Variants in DGKB observed in about 807,000 individuals in gnomAD.
DGKB encodes the protein diacylglycerol kinase beta, also known as 90 kDa diacylglycerol kinase.
DGKB carries 67 observed loss-of-function variants against 114.3 expected under a neutral mutation model. That is an observed-to-expected ratio of 0.59 (90% confidence interval 0.48 to 0.72). DGKB has a LOEUF of 0.72. DGKB is among the 30% of genes least tolerant of loss of function. The pLI is 0.00. For missense variants in DGKB, 907 were observed against 975.2 expected, an observed-to-expected ratio of 0.93 and a Z score of 0.93; for synonymous variants, 398 against 323.1, an observed-to-expected ratio of 1.23 and a Z score of -2.49.
At chr7:14,173,282 T>C (rs1781273729) in intron 25 of DGKB, among the ~76,000 whole-genome samples, 1 of 152,182 alleles carries the variant, frequency 6.6e-6, no homozygotes, top group Non-Finnish European at 1.5e-5. Flanking sequence ...ATTGGTGAAA[T>C]TTATAAATGT....
At chr7:14,222,486 G>A (rs1334382253) in intron 23 of DGKB, among the ~76,000 whole-genome samples, 1 of 150,866 alleles carries the variant, frequency 6.6e-6, no homozygotes, top group African/African-American at 2.4e-5. Flanking sequence ...TTATTCCATT[G>A]TTGCCAAACA....
At chr7:14,215,247 G>C (rs910597835) in intron 23 of DGKB, among the ~76,000 whole-genome samples, 2 of 152,030 alleles carry the variant, frequency 1.3e-5, no homozygotes, top group Non-Finnish European at 2.9e-5. Context: ...CCATAAGAAA[G>C]GAACCTGTAG....
At chr7:14,275,362 T>C (rs1265185024) in intron 23 of DGKB, among the ~76,000 whole-genome samples, 1 of 152,232 alleles carries the variant, frequency 6.6e-6, no homozygotes, top group Non-Finnish European at 1.5e-5. Context: ...TATTGGATTA[T>C]GAGCATTCTT....
intron 23 of DGKB, among the ~76,000 whole-genome samples, chr7:14,291,163 A>AG (rs1554333460): frequency 6.7e-6 from 1 of 149,870 alleles, no homozygotes; most frequent in Non-Finnish European, 1.5e-5. Context: ...AAAAAAAAAA[A>AG]GAGAATGTTA....
intron 5 of DGKB, among the ~76,000 whole-genome samples, chr7:14,723,275 G>C (rs1585987539): frequency 6.6e-6 from 1 of 152,126 alleles, no homozygotes; most frequent in South Asian, 2.1e-4. Context: ...AGCAGCAATA[G>C]CCTCTGGTGA....
In DGKB at chr7:14,546,717, A is replaced by G. The variant is rs1354705740; in HGVS notation, c.1770+27495T>C. 2.0e-5 allele frequency among the ~76,000 whole-genome samples: 3 copies of G among 152,194 alleles called. No homozygotes were observed. The East Asian group carries it at 5.8e-4, about 29-fold the overall frequency. ...GACCATACTGTTGGGACCCAGCTAG[A>G]AAAGAATGGACTCAACTGACCTGAA... On this transcript the variant is annotated intron_variant, in intron 20 of 25. Transcript: ENST00000402815.
chr7:14,591,247 TG>T (rs1197531241), intron 17 of DGKB, among the ~76,000 whole-genome samples: 4 of 152,162 alleles, frequency 2.6e-5, no homozygotes, highest in Non-Finnish European at 5.9e-5. Context: ...GGGAAACTTT[TG>T]TACTGCGTAT....
At chr7:14,345,836 ATAAT>A in intron 21 of DGKB, among the ~76,000 whole-genome samples, 1 of 151,796 alleles carries the variant, frequency 6.6e-6, no homozygotes, top group African/African-American at 2.4e-5. Flanking sequence ...GCAAAGAAAT[ATAAT>A]TAAAATAATT....
At chr7:14,192,075 A>G in intron 23 of DGKB, 1 of 429,126 alleles carries the variant, frequency 2.3e-6, no homozygotes, top group Non-Finnish European at 4.6e-6. Flanking sequence ...GGGTGTCATC[A>G]AAGCAGTGGA....
At chr7:14,420,826 T>C (rs1181806086) in intron 21 of DGKB, among the ~76,000 whole-genome samples, 1 of 151,998 alleles carries the variant, frequency 6.6e-6, no homozygotes, top group East Asian at 1.9e-4. Flanking sequence ...AGCAGGAGAA[T>C]AGGGTCTGGA....
At chr7:14,903,606 C>A (rs181618416), upstream of DGKB, among the ~76,000 whole-genome samples, 12 of 152,202 alleles carry the variant, frequency 7.9e-5, no homozygotes, top group African/African-American at 2.7e-4. Context: ...ATTGTAGCAG[C>A]TGCAGACGCT....
chr7:14,756,033 T>G (rs1834818527), intron 3 of DGKB, among the ~76,000 whole-genome samples: 2 of 152,062 alleles, frequency 1.3e-5, no homozygotes, highest in Admixed American at 6.6e-5. Context: ...ATATGGTGAC[T>G]GATAATTCTC....
intron 6 of DGKB, among the ~76,000 whole-genome samples, chr7:14,706,104 T>C (rs1366094453): frequency 7.0e-6 from 1 of 141,928 alleles, no homozygotes. Context: ...AGGCTCAAAA[T>C]AAAAGGATGG....
At chr7:14,894,084 C>T (rs1466007252) in intron 1 of DGKB, among the ~76,000 whole-genome samples, 1 of 151,156 alleles carries the variant, frequency 6.6e-6, no homozygotes, top group African/African-American at 2.4e-5. Context: ...TTAATAGATG[C>T]TCCCAGAAGG....
chr7:14,680,869 T>C lies in DGKB; in HGVS notation c.1035+1684A>G, dbSNP rs545649159. On this transcript the variant is annotated intron_variant, in intron 12 of 25. Transcript: ENST00000402815. ...CAAACTGAGTACACACTTAAAAACA[T>C]TGATTTTTTAAGAACTAAAAAAGAA... 2.7e-4 allele frequency among the ~76,000 whole-genome samples: 41 copies of C among 152,120 alleles called. No individual in the cohort carries two copies. In the Middle Eastern group the frequency reaches 0.01, roughly 38 times the overall value.
intron 23 of DGKB, among the ~76,000 whole-genome samples, chr7:14,180,933 C>T (rs775927932): frequency 6.6e-6 from 1 of 152,162 alleles, no homozygotes; most frequent in African/African-American, 2.4e-5. Context: ...AATTGGTTTG[C>T]TACCTGGCTG....
intron 23 of DGKB, chr7:14,191,011 T>G (rs148305865): frequency 1.9e-5 from 3 of 154,860 alleles, no homozygotes; most frequent in African/African-American, 7.2e-5. Flanking sequence ...GAACATGGTA[T>G]CACCATTGAT....
chr7:14,721,247 T>C (rs1162507392), intron 5 of DGKB, among the ~76,000 whole-genome samples: 2 of 152,210 alleles, frequency 1.3e-5, no homozygotes, highest in Non-Finnish European at 2.9e-5. Flanking sequence ...CTTATACAAC[T>C]AAGGTAGATG....
chr7:14,765,775 A>T (rs759048879), intron 2 of DGKB, among the ~76,000 whole-genome samples: 4 of 151,966 alleles, frequency 2.6e-5, no homozygotes, highest in Non-Finnish European at 4.4e-5. Context: ...TACTATAACT[A>T]AAAACTTCTA....
Sources: gnomAD v4.1 joint callset for allele counts (sites outside exome capture counted in the v4.1 genomes callset) on GRCh38, gnomAD v4.1.1 for gene constraint, MANE v1.5 for transcripts, NCBI Gene and HGNC (gene_info 2026-07-23, HGNC 2026-07-21) for gene names.